Variants in RUNDC3B observed in about 807,000 individuals in gnomAD.
RUNDC3B encodes the protein RUN domain containing 3B, also known as RUN domain-containing protein 3B.
In RUNDC3B, 33 loss-of-function variants were observed where a neutral mutation model predicts 58.4. That is an observed-to-expected ratio of 0.56 (90% CI 0.43 to 0.75). The LOEUF is 0.75. RUNDC3B is among the 30% of genes least tolerant of loss of function. The probability of loss-of-function intolerance (pLI) is 0.00; values close to 1 mark genes in which losing one functional copy is unlikely to be tolerated. For missense variants in RUNDC3B, 501 were observed against 535.7 expected, an observed-to-expected ratio of 0.94 and a Z score of 0.64; for synonymous variants, 193 against 195.2, an observed-to-expected ratio of 0.99 and a Z score of 0.10.
intron 10 of RUNDC3B, among the ~76,000 whole-genome samples, chr7:87,817,507 T>C (rs1049993044): frequency 3.3e-5 from 5 of 152,212 alleles, no homozygotes; most frequent in Non-Finnish European, 7.3e-5. Context: ...CCTTGTTCTG[T>C]GTACCATAGC....
At chr7:87,661,822 CCCT>C (rs1467758775) in intron 2 of RUNDC3B, among the ~76,000 whole-genome samples, 1 of 151,894 alleles carries the variant, frequency 6.6e-6, no homozygotes, top group Non-Finnish European at 1.5e-5. Flanking sequence ...TATGAGAAAC[CCCT>C]ATACTTTTCT....
intron 2 of RUNDC3B, among the ~76,000 whole-genome samples, chr7:87,666,274 C>G (rs968820201): frequency 6.6e-6 from 1 of 151,872 alleles, no homozygotes; most frequent in Non-Finnish European, 1.5e-5. Context: ...GCTTGTGGGC[C>G]GTGTGTATGC....
chr7:87,761,145 C>A (rs1046317406), intron 6 of RUNDC3B, among the ~76,000 whole-genome samples: 1 of 151,754 alleles, frequency 6.6e-6, no homozygotes, highest in East Asian at 1.9e-4. Flanking sequence ...ATATAAACAA[C>A]CCGATTTTAA....
chr7:87,690,209 T>A (rs760384196), intron 2 of RUNDC3B, among the ~76,000 whole-genome samples: 2 of 152,094 alleles, frequency 1.3e-5, no homozygotes, highest in Non-Finnish European at 2.9e-5. Context: ...TTTTTATTAC[T>A]CTTATTATCC....
chr7:87,730,171 G>A (rs569468232), intron 4 of RUNDC3B, among the ~76,000 whole-genome samples: 1 of 152,294 alleles, frequency 6.6e-6, no homozygotes, highest in Non-Finnish European at 1.5e-5. Context: ...TGGGAACCAT[G>A]GGGAGAGACT....
At chr7:87,719,530 T>C (rs983088209) in intron 4 of RUNDC3B, among the ~76,000 whole-genome samples, 3 of 151,918 alleles carry the variant, frequency 2.0e-5, no homozygotes, top group Non-Finnish European at 4.4e-5. Context: ...AAGAAAGCTG[T>C]AGTATAGGGG....
chr7:87,641,134 A>G (rs1822411772), intron 1 of RUNDC3B, among the ~76,000 whole-genome samples: 1 of 152,134 alleles, frequency 6.6e-6, no homozygotes, highest in Admixed American at 6.6e-5. Flanking sequence ...TTTCTTTAAT[A>G]CTTTTGTTGT....
intron 10 of RUNDC3B, among the ~76,000 whole-genome samples, chr7:87,825,106 C>T (rs1323968389): frequency 1.3e-5 from 2 of 151,974 alleles, no homozygotes; most frequent in African/African-American, 2.4e-5. Flanking sequence ...CCTGTAGTCC[C>T]AGCCACTTGG....
chr7:87,694,373 C>T (rs561197439), intron 2 of RUNDC3B, among the ~76,000 whole-genome samples: 1 of 152,140 alleles, frequency 6.6e-6, no homozygotes, highest in South Asian at 2.1e-4. Context: ...AGAATGCATG[C>T]CTTTATTTAC....
intron 2 of RUNDC3B, among the ~76,000 whole-genome samples, chr7:87,659,023 T>C (rs1391433326): frequency 6.6e-6 from 1 of 152,066 alleles, no homozygotes; most frequent in Non-Finnish European, 1.5e-5. Flanking sequence ...CATGGTGATA[T>C]GCGTCTGTGG....
intron 4 of RUNDC3B, among the ~76,000 whole-genome samples, chr7:87,730,905 A>G (rs1169783630): frequency 6.6e-6 from 1 of 152,090 alleles, no homozygotes; most frequent in African/African-American, 2.4e-5. Context: ...AGTAAAGGAA[A>G]AGAACAAGAG....
intron 7 of RUNDC3B, among the ~76,000 whole-genome samples, chr7:87,773,411 A>C (rs1038238962): frequency 6.6e-6 from 1 of 152,128 alleles, no homozygotes; most frequent in South Asian, 2.1e-4. Context: ...TCCATGAAAA[A>C]TATGAAGCAA....
At chr7:87,672,644 CA>C (rs1365102287) in intron 2 of RUNDC3B, among the ~76,000 whole-genome samples, 1 of 152,200 alleles carries the variant, frequency 6.6e-6, no homozygotes, top group Admixed American at 6.5e-5. Flanking sequence ...GTCTGAGCAG[CA>C]TCTCTGCCAA....
At chr7:87,631,595 G>A (rs758796163) in intron 1 of RUNDC3B, among the ~76,000 whole-genome samples, 1 of 152,108 alleles carries the variant, frequency 6.6e-6, no homozygotes, top group African/African-American at 2.4e-5. Flanking sequence ...GGGTTTCACC[G>A]TATTAGCCAG....
chr7:87,801,332 T>G (rs1010033376), intron 8 of RUNDC3B, among the ~76,000 whole-genome samples: 1 of 152,142 alleles, frequency 6.6e-6, no homozygotes, highest in Non-Finnish European at 1.5e-5. Flanking sequence ...ATGCAAAACA[T>G]CATGTGAGGA....
intron 6 of RUNDC3B, among the ~76,000 whole-genome samples, chr7:87,769,092 C>T (rs1269937740): frequency 1.3e-5 from 2 of 152,102 alleles, no homozygotes; most frequent in African/African-American, 4.8e-5. Context: ...CCTCTACCTC[C>T]TGGGTTCAAA....
At chr7:87,772,586 A>C (rs1172181353) in intron 7 of RUNDC3B, among the ~76,000 whole-genome samples, 1 of 152,224 alleles carries the variant, frequency 6.6e-6, no homozygotes, top group African/African-American at 2.4e-5. Context: ...CCTGTTTCCA[A>C]AATTAACATT....
rs1214170131 is a variant in RUNDC3B at position 87,807,096 on chromosome 7, T to C, written c.957-277T>C. ...TTTTAATTAAGATATAAAATGCTAC[T>C]TGGGTCTTTTAGTACTTTAGTAATA... On this transcript the variant is annotated intron_variant, in intron 8 of 10. Coordinates refer to ENST00000394654, the MANE Select transcript of RUNDC3B (RefSeq NM_001134405.2). Among the ~76,000 whole-genome samples the C allele has an allele frequency of 4.6e-5, 7 of 152,150 alleles. No homozygotes were observed. In the East Asian group the frequency reaches 1.3e-3, roughly 29 times the overall value.
chr7:87,634,577 G>C (rs1002029988), intron 1 of RUNDC3B, among the ~76,000 whole-genome samples: 3 of 150,644 alleles, frequency 2.0e-5, no homozygotes, highest in Non-Finnish European at 4.4e-5. Flanking sequence ...GCAGTGAGCC[G>C]AGATTCACTA....
Sources: allele counts gnomAD v4.1 joint callset (sites outside exome capture counted in the v4.1 genomes callset), GRCh38; gene constraint gnomAD v4.1.1; transcripts MANE v1.5; gene names NCBI Gene and HGNC (gene_info 2026-07-23, HGNC 2026-07-21).